The following FAM169A variants were observed in gnomAD, a reference collection of about 807,000 sequenced individuals.
The protein encoded by FAM169A is family with sequence similarity 169 member A, also known as soluble lamin-associated protein of 75 kDa.
In FAM169A, 24 loss-of-function variants were observed where a neutral mutation model predicts 75.7. The observed-to-expected ratio is 0.32, with a 90% CI of 0.23 to 0.45. FAM169A has a LOEUF of 0.45. Among genes scored for constraint, FAM169A ranks in the 20% least tolerant of loss-of-function variants. The pLI, the probability that FAM169A is intolerant of heterozygous loss-of-function variation, is 1.00. For missense variants in FAM169A, 673 were observed against 784.0 expected (o/e 0.86, Z 1.69); for synonymous variants, 271 against 271.0 (o/e 1.00, Z 0.00).
rs2112772190 is a variant in FAM169A at position 74,866,274 on chromosome 5, G to T, written c.-113C>A. ...GGCGACCTCCGGCCGGTCCCAGGCC[G>T]CACAGCTCGCGGCTGCCAGGGCGAG... On this transcript the variant is annotated 5_prime_UTR_variant, in exon 1 of 13. Transcript: ENST00000687041. 3 of 983,838 alleles carry T rather than the reference G, an allele frequency of 3.0e-6. No individual in the cohort carries two copies. Among genetic ancestry groups the T allele is most frequent in the Non-Finnish European group, 3.6e-6 (3 of 829,252 alleles). 60.9% of individuals were successfully genotyped at this position (983,838 alleles called of 1,614,324 possible).
At chr5:74,801,723 A>G in intron 8 of FAM169A, 94 bp from the exon 9 acceptor site, 1 of 927,112 alleles carries the variant, frequency 1.1e-6, no homozygotes. Context: ...AACTTGTAAA[A>G]TGTTTTCCAA....
intron 4 of FAM169A, 152 bp downstream of exon 4, chr5:74,838,813 C>T (rs1481320037): frequency 4.5e-6 from 3 of 665,280 alleles, no homozygotes; most frequent in African/African-American, 3.6e-5. Flanking sequence ...AAGCCCAACC[C>T]GAATGCTGGC....
intron 1 of FAM169A, among the ~76,000 whole-genome samples, chr5:74,854,208 A>AC (rs1749591189): frequency 6.6e-6 from 1 of 152,100 alleles, no homozygotes; most frequent in Non-Finnish European, 1.5e-5. Flanking sequence ...AGCTTGGCTA[A>AC]CATGGTGAAA....
At chr5:74,815,580 T>C (rs1747429570) in intron 5 of FAM169A, among the ~76,000 whole-genome samples, 1 of 152,196 alleles carries the variant, frequency 6.6e-6, no homozygotes, top group Non-Finnish European at 1.5e-5. Context: ...CAGAGGCGTT[T>C]GAACTAGCAC....
At chr5:74,800,584 C>T (rs6866082) in intron 10 of FAM169A, among the ~76,000 whole-genome samples, 50,276 of 151,722 alleles carry the variant, frequency 0.33, 10,455 homozygotes, top group African/African-American at 0.59. Context: ...ATTGTCAAGG[C>T]AACACTTAGC....
upstream of FAM169A, chr5:74,866,748 G>A: frequency 3.0e-6 from 3 of 985,460 alleles, no homozygotes; most frequent in Non-Finnish European, 3.6e-6. Flanking sequence ...CTTTAATGCC[G>A]ACCTTCGCAG....
intron 1 of FAM169A, chr5:74,848,575 G>C (rs1749277911): frequency 1.3e-5 from 2 of 152,218 alleles, no homozygotes; most frequent in South Asian, 4.1e-4. Context: ...CTGTGACCTT[G>C]GCTCTGGGGT....
chr5:74,818,167 C>G (rs1405122719), intron 5 of FAM169A, among the ~76,000 whole-genome samples: 4 of 152,076 alleles, frequency 2.6e-5, no homozygotes, highest in African/African-American at 9.7e-5. Context: ...TAGACCTCAT[C>G]AAAATTAAAA....
rs1410697893 is a variant in FAM169A, at chr5:74,841,646, A to C, written c.31T>G (p.Cys11Gly). 6.2e-7 allele frequency: 1 copy of C among 1,613,204 alleles called. No individual in the cohort carries two copies. Among genetic ancestry groups the C allele is most frequent in the African/African-American group, 1.3e-5 (1 of 74,922 alleles). The stretch of plus-strand genomic sequence containing the variant: ...GAATTTTCCAATTCCTCATGGCTGC[A>C]ATTTTCCAGCATATCCACAGGGAAT... MAFPVDMLENCSHEELENSAE... is the reference protein window; with the variant it reads MAFPVDMLENGSHEELENSAE... The change falls in exon 2 of 13, where the codon TGC (cysteine) becomes GGC (glycine). Residue 11 changes from cysteine (C) to glycine (G), a missense_variant. Coordinates refer to ENST00000687041, the MANE Select transcript of FAM169A (RefSeq NM_001376049.1).
chr5:74,810,918 C>A (rs1431824166), intron 6 of FAM169A, among the ~76,000 whole-genome samples: 1 of 148,050 alleles, frequency 6.8e-6, no homozygotes, highest in Non-Finnish European at 1.5e-5. Context: ...TCAAGTGATC[C>A]TCCTGCCTCA....
intron 1 of FAM169A, among the ~76,000 whole-genome samples, chr5:74,847,578 AG>A: frequency 6.6e-6 from 1 of 152,302 alleles, no homozygotes; most frequent in South Asian, 2.1e-4. Context: ...TTGGTATATT[AG>A]ATTATACATT....
chr5:74,824,599 T>G (rs1458351026), intron 5 of FAM169A, among the ~76,000 whole-genome samples: 2 of 151,926 alleles, frequency 1.3e-5, no homozygotes, highest in African/African-American at 2.4e-5. Flanking sequence ...AATGTATACT[T>G]CTTGTTTTTA....
At chr5:74,824,912 A>G (rs1485125376) in intron 5 of FAM169A, among the ~76,000 whole-genome samples, 3 of 152,046 alleles carry the variant, frequency 2.0e-5, no homozygotes, top group Non-Finnish European at 4.4e-5. Flanking sequence ...TTTAGCTCTT[A>G]AATACATTCA....
intron 5 of FAM169A, among the ~76,000 whole-genome samples, chr5:74,817,452 C>T (rs1341077846): frequency 6.6e-6 from 1 of 151,176 alleles, no homozygotes; most frequent in South Asian, 2.1e-4. Context: ...ATAATAGCAT[C>T]AAAAAAAATA....
intron 10 of FAM169A, chr5:74,799,978 A>G (rs1291328867): frequency 2.5e-6 from 2 of 805,320 alleles, no homozygotes; most frequent in South Asian, 1.3e-5. Context: ...AGCATCACTC[A>G]AGTCTCTATT....
At chr5:74,806,247 G>A (rs538667153) in intron 6 of FAM169A, among the ~76,000 whole-genome samples, 1 of 152,222 alleles carries the variant, frequency 6.6e-6, no homozygotes, top group African/African-American at 2.4e-5. Context: ...CACTAGGAAA[G>A]AACCACACGT....
chr5:74,799,710 C>A, intron 10 of FAM169A: 1 of 1,238,668 alleles, frequency 8.1e-7, no homozygotes, highest in Non-Finnish European at 1.2e-6. Flanking sequence ...GTGTGCATGT[C>A]TCAATCTGAA....
intron 12 of FAM169A, among the ~76,000 whole-genome samples, chr5:74,782,492 T>C (rs1421451931): frequency 6.6e-5 from 10 of 152,204 alleles, no homozygotes. Context: ...TTTTTAGCCA[T>C]AAGTTGTAAT....
chr5:74,805,524 CTTTTTTTTTTT>C (rs1194674402), intron 6 of FAM169A, among the ~76,000 whole-genome samples: 179 of 81,928 alleles, frequency 2.2e-3, no homozygotes, highest in Non-Finnish European at 2.6e-3. Context: ...ATGTGCTTCG[CTTTTTTTTTTT>C]TTTTTTTTTT....
Sources: allele counts gnomAD v4.1 joint callset (sites outside exome capture counted in the v4.1 genomes callset), GRCh38; gene constraint gnomAD v4.1.1; transcripts MANE v1.5; gene names NCBI Gene and HGNC (gene_info 2026-07-23, HGNC 2026-07-21).